Variants in RMST observed in about 807,000 individuals in gnomAD.
The protein encoded by RMST is rhabdomyosarcoma 2 associated transcript.
chr12:97,563,968 G>A (rs1884342379), intron 13 of RMST: 2 of 458,660 alleles, frequency 4.4e-6, no homozygotes, highest in Non-Finnish European at 9.3e-6. Flanking sequence ...CTGTGAATGT[G>A]ATGGAGACAA....
At position 97,491,467 on chromosome 12, in the gene RMST, C is replaced by G. The variant is rs546057310; in HGVS notation, n.645-994C>G. 5.9e-5 allele frequency among the ~76,000 whole-genome samples: 9 copies of G among 152,274 alleles called. 1 individual carries two copies. The South Asian group carries it at 1.4e-3, about 25-fold the overall frequency. On this transcript the variant is annotated intron_variant and non_coding_transcript_variant, in intron 5 of 13. Coordinates refer to ENST00000640149, the Ensembl canonical transcript of RMST. ...AGTCAGAAAAATGTAAATATTTCCT[C>G]CAAAATGTTGATTACCTTTTAACCC...
intron 10 of RMST, among the ~76,000 whole-genome samples, chr12:97,514,122 C>A (rs1391245841): frequency 6.6e-6 from 1 of 152,138 alleles, no homozygotes; most frequent in Non-Finnish European, 1.5e-5. Flanking sequence ...AGTACAGGGG[C>A]AAGAGTCAAG....
intron 5 of RMST, chr12:97,491,704 T>A (rs1381405524): frequency 7.5e-6 from 2 of 266,480 alleles, no homozygotes; most frequent in Non-Finnish European, 1.6e-5. Flanking sequence ...CCCATATGCA[T>A]CATCTGCTGT....
At chr12:97,549,291 G>A (rs2136643807) in intron 11 of RMST, among the ~76,000 whole-genome samples, 1 of 152,246 alleles carries the variant, frequency 6.6e-6, no homozygotes, top group South Asian at 2.1e-4. Flanking sequence ...GTATAAATAT[G>A]TATTCACTTA....
At chr12:97,512,248 G>A (rs913396026) in intron 10 of RMST, among the ~76,000 whole-genome samples, 1 of 152,182 alleles carries the variant, frequency 6.6e-6, no homozygotes, top group African/African-American at 2.4e-5. Context: ...GCTGGCTTCA[G>A]GAGTGAAGCT....
intron 10 of RMST, among the ~76,000 whole-genome samples, chr12:97,498,124 C>T (rs901313458): frequency 5.9e-5 from 9 of 152,114 alleles, no homozygotes; most frequent in African/African-American, 2.2e-4. Context: ...TTAAGCAAAA[C>T]CATTTTTAAT....
intron 10 of RMST, among the ~76,000 whole-genome samples, chr12:97,508,035 T>C (rs1375431712): frequency 1.3e-5 from 2 of 152,128 alleles, no homozygotes; most frequent in Non-Finnish European, 2.9e-5. Flanking sequence ...CCAAGTAGCA[T>C]AAAGACAGGG....
chr12:97,538,308 T>A (rs1310593200), intron 11 of RMST, among the ~76,000 whole-genome samples: 5 of 151,496 alleles, frequency 3.3e-5, no homozygotes, highest in African/African-American at 1.2e-4. Flanking sequence ...TGCCCGGTTT[T>A]AAAGTGTTAA....
At chr12:97,479,848 G>T (rs1407641860) in intron 5 of RMST, among the ~76,000 whole-genome samples, 1 of 151,990 alleles carries the variant, frequency 6.6e-6, no homozygotes, top group Non-Finnish European at 1.5e-5. Flanking sequence ...ATATCCAACT[G>T]CTTGCCATGT....
chr12:97,535,287 G>T (rs1881982858), intron 11 of RMST, among the ~76,000 whole-genome samples: 1 of 151,458 alleles, frequency 6.6e-6, no homozygotes, highest in South Asian at 2.1e-4. Context: ...ATAGCGTAGT[G>T]GTCTGTGGCC....
At chr12:97,520,595 C>T (rs555495529) in intron 10 of RMST, among the ~76,000 whole-genome samples, 1 of 152,050 alleles carries the variant, frequency 6.6e-6, no homozygotes, top group Non-Finnish European at 1.5e-5. Context: ...TCATCTTGGC[C>T]TTTTATTTTT....
At chr12:97,494,580 A>G (rs1372028756) in intron 8 of RMST, 1 of 152,158 alleles carries the variant, frequency 6.6e-6, no homozygotes, top group Non-Finnish European at 1.5e-5. Context: ...CAGTTAAAAT[A>G]TAAAATTCCT....
chr12:97,477,333 T>A (rs998731061), intron 5 of RMST, among the ~76,000 whole-genome samples: 2 of 152,120 alleles, frequency 1.3e-5, no homozygotes, highest in South Asian at 4.1e-4. Context: ...GGCTTTTTCA[T>A]GAAGACTTGG....
At chr12:97,462,923 T>G (rs549957627) in intron 3 of RMST, 2 of 152,300 alleles carry the variant, frequency 1.3e-5, no homozygotes, top group South Asian at 4.1e-4. Flanking sequence ...GAACAAAATA[T>G]CTGTCTACTC....
At chr12:97,542,348 C>A (rs187373727) in intron 11 of RMST, among the ~76,000 whole-genome samples, 9 of 151,816 alleles carry the variant, frequency 5.9e-5, no homozygotes, top group Non-Finnish European at 1.3e-4. Flanking sequence ...AATAAACACA[C>A]CTGAAGCAAC....
intron 5 of RMST, among the ~76,000 whole-genome samples, chr12:97,488,779 C>A (rs1565921026): frequency 6.6e-6 from 1 of 152,126 alleles, no homozygotes; most frequent in Admixed American, 6.6e-5. Context: ...ATAGCACTTA[C>A]CCAGTAGCTC....
intron 11 of RMST, among the ~76,000 whole-genome samples, chr12:97,543,135 G>A (rs1025388463): frequency 1.3e-5 from 2 of 152,010 alleles, no homozygotes; most frequent in Admixed American, 1.3e-4. Flanking sequence ...GTGTACATAT[G>A]TCTATCTGGA....
intron 11 of RMST, among the ~76,000 whole-genome samples, chr12:97,535,941 C>G (rs1462403811): frequency 1.3e-5 from 2 of 151,508 alleles, no homozygotes; most frequent in Non-Finnish European, 3.0e-5. Flanking sequence ...TCATTGAAAA[C>G]CAATCATTAG....
At chr12:97,491,585 C>T (rs1293803420) in intron 5 of RMST, 1 of 193,568 alleles carries the variant, frequency 5.2e-6, no homozygotes, top group East Asian at 9.9e-5. Context: ...CGAGCTTAAC[C>T]TGGACCAGTT....
Sources: allele counts gnomAD v4.1 joint callset (sites outside exome capture counted in the v4.1 genomes callset), GRCh38; gene constraint gnomAD v4.1.1; transcripts MANE v1.5; gene names NCBI Gene and HGNC (gene_info 2026-07-23, HGNC 2026-07-21).